Variants in ETV7 observed in about 807,000 individuals in gnomAD.
The protein encoded by ETV7 is ETS variant transcription factor 7.
ETV7 carries 43 observed loss-of-function variants against 39.1 expected under a neutral mutation model. The observed-to-expected ratio is 1.10, with a 90% CI of 0.86 to 1.42. The LOEUF (loss-of-function observed/expected upper bound fraction) is 1.42. ETV7 is among the 40% of genes most tolerant of loss of function. The probability of loss-of-function intolerance (pLI) is 0.00; values close to 1 mark genes in which losing one functional copy is unlikely to be tolerated. For synonymous variants in ETV7, 196 were observed against 176.6 expected, an observed-to-expected ratio of 1.11 and a Z score of -0.87; for missense variants, 432 against 442.3, an observed-to-expected ratio of 0.98 and a Z score of 0.21.
chr6:36,381,112 A>G (rs1427988086), intron 2 of ETV7, among the ~76,000 whole-genome samples: 2 of 152,186 alleles, frequency 1.3e-5, no homozygotes, highest in African/African-American at 2.4e-5. Flanking sequence ...ACCAGCCTTT[A>G]GCAACCAAAT....
At chr6:36,367,094 G>C in intron 6 of ETV7, 119 bp from the exon 7 acceptor site, 1 of 772,438 alleles carries the variant, frequency 1.3e-6, no homozygotes, top group Non-Finnish European at 2.2e-6. Context: ...GGATCTGTGA[G>C]GGTTTATGAG....
At chr6:36,357,049 T>C (rs1006060403) in intron 7 of ETV7, among the ~76,000 whole-genome samples, 1 of 152,200 alleles carries the variant, frequency 6.6e-6, no homozygotes, top group Non-Finnish European at 1.5e-5. Flanking sequence ...GACAGTGCAT[T>C]ACAAATTATC....
intron 5 of ETV7, 115 bp from the exon 6 acceptor site, chr6:36,369,186 A>C (rs1349242407): frequency 2.5e-6 from 3 of 1,192,452 alleles, no homozygotes; most frequent in Non-Finnish European, 3.5e-6. Flanking sequence ...CACCAGCAGG[A>C]AGGTGAAAAT....
chr6:36,377,306 A>G (rs753888038), intron 2 of ETV7, among the ~76,000 whole-genome samples: 13 of 152,146 alleles, frequency 8.5e-5, no homozygotes, highest in Non-Finnish European at 1.5e-4. Context: ...CCAAAAATAC[A>G]AAAAAGAAAA....
In ETV7 at chr6:36,366,254, T is replaced by C. The variant is rs900214018; in HGVS notation, c.*391A>G. On this transcript the variant is annotated 3_prime_UTR_variant, in exon 8 of 8. Transcript: ENST00000340181. ...CAGTGCCGCCTGGAAGCACTAACAC[T>C]TTTTCCCATTTCCTGCCTCAGCCCA... is the stretch of plus-strand genomic sequence containing the variant. 2.3e-5 allele frequency: 24 copies of C among 1,048,678 alleles called. No individual in the cohort carries two copies. The highest frequency in any genetic ancestry group is 2.6e-5 in the Non-Finnish European group (23 of 868,568). 65.0% of individuals were successfully genotyped at this position (1,048,678 alleles called of 1,614,324 possible).
intron 6 of ETV7, among the ~76,000 whole-genome samples, chr6:36,367,379 G>T (rs1582179031): frequency 6.6e-6 from 1 of 152,070 alleles, no homozygotes; most frequent in Non-Finnish European, 1.5e-5. Context: ...GGAGGCAGAG[G>T]TTGCAGTGAG....
At chr6:36,383,670 C>A (rs1268905869) in intron 2 of ETV7, among the ~76,000 whole-genome samples, 1 of 152,196 alleles carries the variant, frequency 6.6e-6, no homozygotes, top group African/African-American at 2.4e-5. Flanking sequence ...AAAGTCGAAT[C>A]TTCATTTGGT....
chr6:36,380,657 T>A (rs1773606745), intron 2 of ETV7, among the ~76,000 whole-genome samples: 1 of 152,228 alleles, frequency 6.6e-6, no homozygotes, highest in East Asian at 1.9e-4. Context: ...GACATAGCGC[T>A]TCTTTACATA....
intron 1 of ETV7, among the ~76,000 whole-genome samples, chr6:36,386,442 C>A (rs893216799): frequency 6.6e-6 from 1 of 152,192 alleles, no homozygotes; most frequent in Non-Finnish European, 1.5e-5. Flanking sequence ...ATCAGCATGG[C>A]CCCCAGAGAT....
chr6:36,361,828 G>A (rs533834988), downstream of ETV7, among the ~76,000 whole-genome samples: 109 of 152,192 alleles, frequency 7.2e-4, no homozygotes, highest in African/African-American at 2.5e-3. Context: ...ATCATGCCTG[G>A]CCACTTTTTC....
At chr6:36,356,481 C>T (rs1349511088) in intron 7 of ETV7, among the ~76,000 whole-genome samples, 1 of 152,204 alleles carries the variant, frequency 6.6e-6, no homozygotes, top group Non-Finnish European at 1.5e-5. Context: ...AGACCAGACC[C>T]TCCAGGGACT....
intron 7 of ETV7, among the ~76,000 whole-genome samples, chr6:36,354,974 G>T (rs1444271263): frequency 6.6e-6 from 1 of 152,132 alleles, no homozygotes; most frequent in Non-Finnish European, 1.5e-5. Context: ...ATTGACTTTT[G>T]TAGGTTAGTC....
intron 2 of ETV7, among the ~76,000 whole-genome samples, chr6:36,376,659 C>T (rs1278875532): frequency 1.3e-5 from 2 of 151,968 alleles, no homozygotes; most frequent in African/African-American, 4.8e-5. Context: ...ACCTGTAGTC[C>T]CAGCTGCTCG....
downstream of ETV7, among the ~76,000 whole-genome samples, chr6:36,364,827 C>T (rs911976498): frequency 1.3e-5 from 2 of 152,244 alleles, no homozygotes; most frequent in Non-Finnish European, 2.9e-5. Context: ...GGGCTCATCG[C>T]AGAGCAAAGT....
chr6:36,362,848 T>G (rs150450404), downstream of ETV7, among the ~76,000 whole-genome samples: 179 of 152,282 alleles, frequency 1.2e-3, no homozygotes, highest in Middle Eastern at 3.4e-3. Context: ...CGCTGGGAAA[T>G]GTAGCTGTTG....
At chr6:36,372,298 C>T (rs893250817) in intron 4 of ETV7, among the ~76,000 whole-genome samples, 3 of 152,054 alleles carry the variant, frequency 2.0e-5, no homozygotes, top group Non-Finnish European at 2.9e-5. Context: ...CCCGAAGGCC[C>T]GTGTGTCTGG....
Position 36,387,639 on chromosome 6 carries a change from GCCAAACC to G in ETV7, c.-105_-99del, listed in dbSNP as rs1053895924. 3.7e-4 allele frequency: 506 copies of G among 1,373,206 alleles called. No individual in the cohort carries two copies. Among genetic ancestry groups the G allele is most frequent in the Non-Finnish European group, 5.0e-4 (484 of 974,026 alleles). The allele number at this position is 1,373,206 out of a possible 1,614,324, so 85.1% of individuals were successfully genotyped here. On this transcript the variant is annotated 5_prime_UTR_variant, in exon 1 of 8. Transcript: ENST00000340181. ...GGCCCGCGCCCCGCAGTCCTCCTCC[GCCAAACC>G]CCTAACCTGGCTCCGAGAACTGGAA...
Position 36,387,559 on chromosome 6 carries a change from A to G in ETV7, c.-18T>C, listed in dbSNP as rs1438611263. ...ACCTGCATTACAGGTGGAGGTGAGG[A>G]AGCCACCGGCTTTCTGTCTTGAGCG... On this transcript the variant is annotated 5_prime_UTR_variant, in exon 1 of 8. Coordinates refer to ENST00000340181, the MANE Select transcript of ETV7 (RefSeq NM_016135.4). 3.7e-6 allele frequency: 6 copies of G among 1,613,896 alleles called. No individual in the cohort carries two copies. The highest frequency in any genetic ancestry group is 5.1e-6 in the Non-Finnish European group (6 of 1,180,014).
At chr6:36,384,078 C>T (rs1582226925) in intron 2 of ETV7, among the ~76,000 whole-genome samples, 1 of 152,330 alleles carries the variant, frequency 6.6e-6, no homozygotes, top group Middle Eastern at 3.4e-3. Context: ...GTTGGAATAA[C>T]TTAGGATTCA....
Sources: allele counts gnomAD v4.1 joint callset (sites outside exome capture counted in the v4.1 genomes callset), GRCh38; gene constraint gnomAD v4.1.1; transcripts MANE v1.5; gene names NCBI Gene and HGNC (gene_info 2026-07-23, HGNC 2026-07-21).